PTPRD: variants seen among roughly 807,000 people sequenced by gnomAD.
The protein encoded by PTPRD is receptor-type tyrosine-protein phosphatase delta.
Under a neutral mutation model 214.5 loss-of-function variants are expected in PTPRD, and 34 were observed. The observed-to-expected ratio is 0.16, with a 90% confidence interval of 0.12 to 0.21. The LOEUF (loss-of-function observed/expected upper bound fraction) is 0.21. Among genes scored for constraint, PTPRD ranks in the 10% least tolerant of loss-of-function variants. The pLI is 1.00. For missense variants in PTPRD, 2,545 were observed against 2,398.7 expected, an observed-to-expected ratio of 1.06 and a Z score of -1.27; for synonymous variants, 1,128 against 845.7, an observed-to-expected ratio of 1.33 and a Z score of -5.79.
chr9:10,234,906 G>A (rs943689922), intron 3 of PTPRD, among the ~76,000 whole-genome samples: 1 of 151,560 alleles, frequency 6.6e-6, no homozygotes, highest in East Asian at 1.9e-4. Context: ...CTTAATACAT[G>A]TTTCTAATTT....
chr9:8,457,534 C>G (rs2096251787), intron 33 of PTPRD, among the ~76,000 whole-genome samples: 1 of 151,718 alleles, frequency 6.6e-6, no homozygotes. Flanking sequence ...GAACAGAATG[C>G]CAGATCAAAG....
chr9:9,864,500 T>C (rs955783921), intron 5 of PTPRD, among the ~76,000 whole-genome samples: 1 of 151,982 alleles, frequency 6.6e-6, no homozygotes, highest in African/African-American at 2.4e-5. Flanking sequence ...GTTTCGGATT[T>C]TGTTGTTTGT....
At chr9:8,715,780 T>C (rs1441664323) in intron 12 of PTPRD, among the ~76,000 whole-genome samples, 1 of 152,242 alleles carries the variant, frequency 6.6e-6, no homozygotes, top group African/African-American at 2.4e-5. Context: ...TCTTTAATAT[T>C]GAGACAGGCA....
chr9:9,108,687 T>G (rs139561219), intron 10 of PTPRD, among the ~76,000 whole-genome samples: 1 of 152,160 alleles, frequency 6.6e-6, no homozygotes, highest in East Asian at 1.9e-4. Context: ...TTACTTCTTT[T>G]TACAGCACAT....
chr9:9,038,657 T>G (rs1779097845), intron 10 of PTPRD, among the ~76,000 whole-genome samples: 1 of 150,370 alleles, frequency 6.7e-6, no homozygotes, highest in African/African-American at 2.5e-5. Flanking sequence ...TGGGTTCAAG[T>G]GCTTCTCCTG....
intron 9 of PTPRD, among the ~76,000 whole-genome samples, chr9:9,374,262 C>A (rs535042747): frequency 6.6e-6 from 1 of 151,884 alleles, no homozygotes; most frequent in Non-Finnish European, 1.5e-5. Flanking sequence ...AATAAATAAA[C>A]TGTTACTTTT....
intron 2 of PTPRD, among the ~76,000 whole-genome samples, chr9:10,591,126 C>T (rs2132885448): frequency 6.6e-6 from 1 of 151,920 alleles, no homozygotes; most frequent in East Asian, 2.0e-4. Context: ...CTCACACTTC[C>T]TTATTTAGAC....
At chr9:8,713,640 C>T in intron 12 of PTPRD, 7 of 1,530,164 alleles carry the variant, frequency 4.6e-6, no homozygotes, top group South Asian at 2.2e-5. Flanking sequence ...CCCAGTGCTA[C>T]CGAGACATGG....
At chr9:9,835,547 T>C (rs554631581) in intron 5 of PTPRD, among the ~76,000 whole-genome samples, 1 of 152,166 alleles carries the variant, frequency 6.6e-6, no homozygotes, top group East Asian at 1.9e-4. Flanking sequence ...TGGAGACAAA[T>C]GGGGTTTGAA....
chr9:10,511,858 G>C (rs1437410960), intron 2 of PTPRD, among the ~76,000 whole-genome samples: 1 of 74,468 alleles, frequency 1.3e-5, no homozygotes, highest in African/African-American at 4.6e-5. Context: ...ATATCTGTGT[G>C]TGTGTGTGTG....
intron 5 of PTPRD, among the ~76,000 whole-genome samples, chr9:9,928,621 G>A (rs1245967157): frequency 6.6e-6 from 1 of 152,082 alleles, no homozygotes; most frequent in African/African-American, 2.4e-5. Context: ...CATTACTACT[G>A]TTATTAGAAT....
intron 10 of PTPRD, among the ~76,000 whole-genome samples, chr9:9,103,090 TA>T (rs1569542471): frequency 6.6e-6 from 1 of 152,244 alleles, no homozygotes; most frequent in Non-Finnish European, 1.5e-5. Flanking sequence ...GTGATTTTCC[TA>T]TTTAGAACTT....
chr9:8,455,566 G>A (rs564338088), intron 33 of PTPRD, among the ~76,000 whole-genome samples: 1 of 151,994 alleles, frequency 6.6e-6, no homozygotes, highest in Non-Finnish European at 1.5e-5. Context: ...CCAAGTGGCT[G>A]GAATATCTGG....
chr9:8,944,925 A>G (rs10977385), intron 11 of PTPRD, among the ~76,000 whole-genome samples: 20,718 of 152,100 alleles, frequency 0.14, 1,566 homozygotes, highest in South Asian at 0.23. Flanking sequence ...CGTAACACAA[A>G]GAAATGATAA....
chr9:8,590,894 G>T (rs1564566299), intron 14 of PTPRD, among the ~76,000 whole-genome samples: 1 of 152,150 alleles, frequency 6.6e-6, no homozygotes, highest in Non-Finnish European at 1.5e-5. Flanking sequence ...GAGGTCAGAA[G>T]TCCCATATGA....
chr9:8,353,620 G>C (rs1018073292), intron 39 of PTPRD, among the ~76,000 whole-genome samples: 14 of 151,786 alleles, frequency 9.2e-5, no homozygotes, highest in Non-Finnish European at 4.4e-5. Context: ...ATTTAGTAGA[G>C]ATGGGGTTTC....
chr9:8,951,912 T>A (rs1338044504), intron 11 of PTPRD, among the ~76,000 whole-genome samples: 1 of 152,046 alleles, frequency 6.6e-6, no homozygotes, highest in African/African-American at 2.4e-5. Flanking sequence ...TGAAATGAAT[T>A]CCAAAGAACT....
intron 7 of PTPRD, among the ~76,000 whole-genome samples, chr9:9,663,986 G>T (rs2096667214): frequency 6.6e-6 from 1 of 150,376 alleles, no homozygotes; most frequent in South Asian, 2.1e-4. Flanking sequence ...TACAATGAAG[G>T]AGAACTTATG....
In PTPRD at chr9:10,028,406, GA is replaced by G. The variant is rs745645860; in HGVS notation, c.-472+5311del. Among the ~76,000 whole-genome samples, 6 of 152,310 alleles carry G rather than the reference GA, an allele frequency of 3.9e-5. No individual in the cohort carries two copies. In the East Asian group the frequency reaches 9.7e-4, roughly 25 times the overall value. On this transcript the variant is annotated intron_variant, in intron 4 of 45. Coordinates refer to ENST00000381196, the MANE Select transcript of PTPRD (RefSeq NM_002839.4). The stretch of plus-strand genomic sequence containing the variant: ...ACCCAAAAATGTGGAACTGACTTCA[GA>G]ACTGTGTAACAGGCAGAGGTTGCAA...
Sources: allele counts gnomAD v4.1 joint callset (sites outside exome capture counted in the v4.1 genomes callset), GRCh38; gene constraint gnomAD v4.1.1; transcripts MANE v1.5; gene names NCBI Gene and HGNC (gene_info 2026-07-23, HGNC 2026-07-21).